The following PACS1 variants were observed in gnomAD, a reference collection of about 807,000 sequenced individuals.
PACS1 encodes the protein phosphofurin acidic cluster sorting protein 1, also known as PACS-1.
PACS1 carries 24 observed loss-of-function variants against 115.0 expected under a neutral mutation model. The observed-to-expected ratio is 0.21, with a 90% CI of 0.15 to 0.29. The LOEUF is 0.29. Among genes scored for constraint, PACS1 ranks in the 10% least tolerant of loss-of-function variants. The pLI, the probability that PACS1 is intolerant of heterozygous loss-of-function variation, is 1.00. For synonymous variants in PACS1, 453 were observed against 504.5 expected (o/e 0.90, Z 1.37); for missense variants, 838 against 1,251.2 (o/e 0.67, Z 4.98).
rs570893243 is a variant in PACS1, at chr11:66,072,879, G to A, written c.356+2037G>A. Among the ~76,000 whole-genome samples the A allele has an allele frequency of 5.9e-5, 9 of 152,336 alleles. No individual in the cohort carries two copies. The South Asian group carries it at 1.2e-3, about 21-fold the overall frequency. On this transcript the variant is annotated intron_variant, in intron 1 of 23. Transcript: ENST00000320580. ...TGGCAAGGAGCTGCAGCAGAGGGGC[G>A]TGAATGAAATCATTGACTGCTGTTG...
At position 66,239,270 on chromosome 11, in the gene PACS1, A is replaced by G; in HGVS notation, c.2422A>G (p.Ile808Val). The G allele has an allele frequency of 6.2e-7, 1 of 1,611,534 alleles. No homozygotes were observed. The highest frequency in any genetic ancestry group is 8.5e-7 in the Non-Finnish European group (1 of 1,179,300). Residue 808 changes from isoleucine to valine, a missense_variant, in exon 21 of 24, where the codon ATC becomes GTC. By Grantham distance (29) the Ile-to-Val change is conservative. Coordinates refer to ENST00000320580, the MANE Select transcript of PACS1 (RefSeq NM_018026.4). Reference sequence around the variant, plus strand: ...CCCATCTATGAGCAGCGCCCTGGCCATCGTGGGGTAAGGCTCCTGCCCGTA... The same window carrying G: ...CCCATCTATGAGCAGCGCCCTGGCCGTCGTGGGGTAAGGCTCCTGCCCGTA... Reference protein sequence around the residue: ...SSPSMSSALAIVGSPNSPYGD... With the variant: ...SSPSMSSALAVVGSPNSPYGD...
chr11:66,092,064 A>G (rs969529213), intron 1 of PACS1, among the ~76,000 whole-genome samples: 5 of 152,130 alleles, frequency 3.3e-5, no homozygotes, highest in African/African-American at 9.7e-5. Flanking sequence ...GTCAAATGGT[A>G]TTTCTAGTTC....
Position 66,235,885 on chromosome 11 carries a change from T to C in PACS1, c.2208-13T>C. ...TCCTACTAACTATGAAGCTCTCCTG[T>C]GTCTCCCAACAGCCCTGATGAAGAC... On this transcript the variant is annotated splice_polypyrimidine_tract_variant and intron_variant, in intron 18 of 23. Transcript: ENST00000320580. The surrounding 1 kb of genome is among the most constrained non-coding windows in gnomAD (Gnocchi z 5.6). 6.2e-7 allele frequency: 1 copy of C among 1,612,090 alleles called. No homozygotes were observed. The highest frequency in any genetic ancestry group is 1.1e-5 in the South Asian group (1 of 91,052).
chr11:66,158,123 C>A (rs1859402646), intron 1 of PACS1, among the ~76,000 whole-genome samples: 1 of 152,190 alleles, frequency 6.6e-6, no homozygotes, highest in African/African-American at 2.4e-5. Flanking sequence ...CGCGCCACCA[C>A]ACTTGGCTAA....
At chr11:66,130,270 C>T (rs1488750749) in intron 1 of PACS1, among the ~76,000 whole-genome samples, 1 of 152,194 alleles carries the variant, frequency 6.6e-6, no homozygotes, top group Non-Finnish European at 1.5e-5. Flanking sequence ...CTCCCTCCCT[C>T]CCCTCTAGCC....
intron 1 of PACS1, among the ~76,000 whole-genome samples, chr11:66,129,386 C>T (rs1323866031): frequency 4.0e-5 from 6 of 150,130 alleles, no homozygotes; most frequent in Non-Finnish European, 8.9e-5. Flanking sequence ...GAGCTGAGAT[C>T]GCACCACTGC....
chr11:66,104,771 A>G (rs17147321), intron 1 of PACS1, among the ~76,000 whole-genome samples: 4,049 of 152,290 alleles, frequency 0.027, 171 homozygotes, highest in African/African-American at 0.092. Flanking sequence ...CATTCATTTT[A>G]TAGCCTGAGA....
intron 1 of PACS1, among the ~76,000 whole-genome samples, chr11:66,135,781 C>T (rs577733476): frequency 2.0e-5 from 3 of 152,080 alleles, no homozygotes; most frequent in Admixed American, 6.6e-5. Flanking sequence ...CTCAGCCTCC[C>T]GAGTAGCTGG....
chr11:66,166,652 G>A lies in PACS1; in HGVS notation c.357-26834G>A, dbSNP rs150414005. On this transcript the variant is annotated intron_variant, in intron 1 of 23. Transcript: ENST00000320580. ...ACAATATTATAGGTAGTCTTCTGCA[G>A]CTTAAGCTTAGTTCATTCACTTTCA... Among the ~76,000 whole-genome samples, 169 of 150,732 alleles carry A rather than the reference G, an allele frequency of 1.1e-3. 21 individuals carry two copies. Among genetic ancestry groups the A allele is most frequent in the African/African-American group, 3.9e-3 (155 of 40,070 alleles).
intron 2 of PACS1, among the ~76,000 whole-genome samples, chr11:66,203,927 T>C (rs974260034): frequency 1.3e-5 from 2 of 152,156 alleles, no homozygotes; most frequent in Non-Finnish European, 2.9e-5. Context: ...TTCCAACTGC[T>C]TTGGCCACTA....
At chr11:66,096,869 T>C (rs186213036) in intron 1 of PACS1, among the ~76,000 whole-genome samples, 2,478 of 150,956 alleles carry the variant, frequency 0.016, 27 homozygotes, top group Non-Finnish European at 0.025. Flanking sequence ...CTCTCTCTTT[T>C]TTTTTTTTTT....
At chr11:66,076,245 G>T (rs887142874) in intron 1 of PACS1, among the ~76,000 whole-genome samples, 32 of 152,354 alleles carry the variant, frequency 2.1e-4, no homozygotes, top group African/African-American at 6.5e-4. Flanking sequence ...TAGCGGTTAT[G>T]TGATTTCTTT....
At chr11:66,212,555 G>A (rs1199997552) in intron 4 of PACS1, among the ~76,000 whole-genome samples, 1 of 151,900 alleles carries the variant, frequency 6.6e-6, no homozygotes, top group African/African-American at 2.4e-5. Context: ...ATAGGCATCA[G>A]CCTCTGTGCC....
intron 1 of PACS1, among the ~76,000 whole-genome samples, chr11:66,136,323 T>TCTCACA (rs1456724621): frequency 1.4e-5 from 2 of 145,912 alleles, no homozygotes; most frequent in African/African-American, 5.2e-5. Context: ...AATCCCACTG[T>TCTCACA]CACACACACA....
intron 10 of PACS1, among the ~76,000 whole-genome samples, chr11:66,222,427 C>G (rs1263552700): frequency 1.3e-5 from 2 of 152,150 alleles, no homozygotes; most frequent in Non-Finnish European, 2.9e-5. Flanking sequence ...TGCTCCGCCC[C>G]TCCTAGAAAG....
At chr11:66,140,098 T>C (rs992746571) in intron 1 of PACS1, among the ~76,000 whole-genome samples, 5 of 152,194 alleles carry the variant, frequency 3.3e-5, no homozygotes, top group Non-Finnish European at 5.9e-5. Context: ...AAAACCTTAA[T>C]TGAAAGTGGA....
intron 1 of PACS1, among the ~76,000 whole-genome samples, chr11:66,089,674 G>C (rs913533452): frequency 6.6e-6 from 1 of 152,102 alleles, no homozygotes; most frequent in Non-Finnish European, 1.5e-5. Flanking sequence ...GAACAGACGA[G>C]ACAACTTATA....
chr11:66,217,527 AAACC>A (rs755240246), intron 7 of PACS1: 1 of 456,064 alleles, frequency 2.2e-6, no homozygotes, highest in South Asian at 1.5e-5. Flanking sequence ...CCTAGGGACC[AAACC>A]CCTGAGAGCC....
At chr11:66,214,993 C>T (rs1005560443) in intron 4 of PACS1, among the ~76,000 whole-genome samples, 5 of 151,488 alleles carry the variant, frequency 3.3e-5, no homozygotes, top group Non-Finnish European at 7.4e-5. Flanking sequence ...AGTGCAATGG[C>T]ACAATCACGA....
Sources: gnomAD v4.1 joint callset for allele counts (sites outside exome capture counted in the v4.1 genomes callset) on GRCh38, gnomAD v4.1.1 for gene constraint, Gnocchi (gnomAD v3.1) non-coding constraint, MANE v1.5 for transcripts, NCBI Gene and HGNC (gene_info 2026-07-23, HGNC 2026-07-21) for gene names.